Variants in TRABD2B observed in about 807,000 individuals in gnomAD.
TRABD2B encodes metalloprotease TIKI2.
A neutral mutation model predicts 40.1 loss-of-function variants in TRABD2B; 14 were observed. The ratio of observed to expected loss-of-function variants is 0.35; its 90% CI spans 0.23 to 0.55. The LOEUF is 0.55. Ranked by LOEUF, TRABD2B falls within the 20% of genes least tolerant of loss-of-function variation. TRABD2B has a pLI of 0.90. For synonymous variants in TRABD2B, 263 were observed against 277.0 expected, an observed-to-expected ratio of 0.95 and a Z score of 0.50; for missense variants, 541 against 648.6, an observed-to-expected ratio of 0.83 and a Z score of 1.80.
intron 2 of TRABD2B, among the ~76,000 whole-genome samples, chr1:47,981,490 A>AT (rs140972811): frequency 1.3e-5 from 2 of 152,192 alleles, no homozygotes; most frequent in Non-Finnish European, 2.9e-5. Flanking sequence ...TACTTGAGAG[A>AT]CTGCCATGAG....
At chr1:47,922,906 T>A (rs1251867178) in intron 2 of TRABD2B, among the ~76,000 whole-genome samples, 1 of 152,358 alleles carries the variant, frequency 6.6e-6, no homozygotes, top group East Asian at 1.9e-4. Flanking sequence ...GGGTCCCTAG[T>A]GCCCTTCAGC....
At chr1:47,929,760 C>T (rs1570309337) in intron 2 of TRABD2B, among the ~76,000 whole-genome samples, 1 of 152,152 alleles carries the variant, frequency 6.6e-6, no homozygotes, top group African/African-American at 2.4e-5. Flanking sequence ...AATGCTGTAA[C>T]GATGGGCAAT....
Position 47,761,346 on chromosome 1 carries a change from G to A in TRABD2B, c.*4556C>T, listed in dbSNP as rs1050783814. On this transcript the variant is annotated 3_prime_UTR_variant, in exon 7 of 7. Transcript: ENST00000606738. The stretch of plus-strand genomic sequence containing the variant: ...CCCTTTCCTCCCCTGGGGTCAGGGA[G>A]TGGGGCAGAGCGGGAAGGAGCTCTG... 2 of 152,398 alleles carry A rather than the reference G, an allele frequency of 1.3e-5. No homozygotes were observed. Among genetic ancestry groups the A allele is most frequent in the African/African-American group, 4.8e-5 (2 of 41,470 alleles). The allele number at this position is 152,398 out of a possible 1,614,324, so 9.4% of individuals were successfully genotyped here. A position where few individuals can be genotyped will look rare whatever the true frequency, so the allele number is the denominator to read the frequency against.
chr1:47,843,524 G>C (rs1030715662), intron 2 of TRABD2B, among the ~76,000 whole-genome samples: 2 of 152,198 alleles, frequency 1.3e-5, no homozygotes, highest in East Asian at 3.9e-4. Flanking sequence ...GCATTTTGAA[G>C]TGCCTGCTGA....
intron 2 of TRABD2B, among the ~76,000 whole-genome samples, chr1:47,807,576 G>T (rs1020587729): frequency 2.6e-5 from 4 of 152,158 alleles, no homozygotes; most frequent in African/African-American, 9.7e-5. Flanking sequence ...TGACAGAGAT[G>T]AGAACTGTAA....
chr1:47,895,771 A>G (rs1644509801), intron 2 of TRABD2B, among the ~76,000 whole-genome samples: 2 of 152,342 alleles, frequency 1.3e-5, no homozygotes, highest in Admixed American at 1.3e-4. Flanking sequence ...AAAGGGGCCC[A>G]TAGGGCAGAG....
intron 2 of TRABD2B, among the ~76,000 whole-genome samples, chr1:47,891,784 G>A (rs936099480): frequency 6.6e-6 from 1 of 151,672 alleles, no homozygotes; most frequent in Non-Finnish European, 1.5e-5. Context: ...TCTGGGCTAC[G>A]GAGCAAGACC....
At chr1:47,842,153 C>T (rs1250293502) in intron 2 of TRABD2B, among the ~76,000 whole-genome samples, 1 of 152,176 alleles carries the variant, frequency 6.6e-6, no homozygotes, top group Admixed American at 6.5e-5. Context: ...TAGAAAGTGC[C>T]GGGCACAATG....
At chr1:47,861,010 T>C (rs112220700) in intron 2 of TRABD2B, among the ~76,000 whole-genome samples, 14 of 152,208 alleles carry the variant, frequency 9.2e-5, no homozygotes, top group African/African-American at 1.4e-4. Flanking sequence ...CAGGGTCTCA[T>C]AGACCAATGG....
chr1:47,947,516 C>T (rs1397295973), intron 2 of TRABD2B, among the ~76,000 whole-genome samples: 2 of 152,026 alleles, frequency 1.3e-5, no homozygotes, highest in African/African-American at 4.8e-5. Flanking sequence ...AGGCTGAAGG[C>T]AAGGAAGAGA....
chr1:47,881,668 A>G (rs1644305938), intron 2 of TRABD2B, among the ~76,000 whole-genome samples: 1 of 152,142 alleles, frequency 6.6e-6, no homozygotes, highest in Admixed American at 6.5e-5. Flanking sequence ...TGGGTATGTG[A>G]CCAGGTGCTT....
intron 2 of TRABD2B, among the ~76,000 whole-genome samples, chr1:47,931,525 A>G (rs543850128): frequency 6.6e-6 from 1 of 152,196 alleles, no homozygotes; most frequent in South Asian, 2.1e-4. Flanking sequence ...ACTCAGTAAC[A>G]CTGGCCGTTC....
intron 2 of TRABD2B, among the ~76,000 whole-genome samples, chr1:47,901,505 GTCTGCCTCCAGTCC>G (rs1644599236): frequency 6.6e-6 from 1 of 152,114 alleles, no homozygotes; most frequent in Non-Finnish European, 1.5e-5. Flanking sequence ...TCCTGATTCT[GTCTGCCTCCAGTCC>G]TCTGCCTCCA....
chr1:47,914,197 C>T (rs1644799305), intron 2 of TRABD2B, among the ~76,000 whole-genome samples: 1 of 152,236 alleles, frequency 6.6e-6, no homozygotes, highest in Admixed American at 6.5e-5. Flanking sequence ...GAGCCCCAGT[C>T]CCAAAGATTA....
intron 2 of TRABD2B, among the ~76,000 whole-genome samples, chr1:47,839,521 A>G (rs1049475163): frequency 4.0e-4 from 61 of 152,196 alleles, no homozygotes; most frequent in African/African-American, 1.4e-3. Flanking sequence ...CACCCAGAGT[A>G]GTGGATCAAC....
At chr1:47,795,981 G>A (rs1390291702) in intron 3 of TRABD2B, among the ~76,000 whole-genome samples, 1 of 152,022 alleles carries the variant, frequency 6.6e-6, no homozygotes, top group Non-Finnish European at 1.5e-5. Flanking sequence ...CCTGGGTTCA[G>A]GGACAGAGCT....
chr1:47,881,712 G>A (rs894273204), intron 2 of TRABD2B, among the ~76,000 whole-genome samples: 1 of 152,194 alleles, frequency 6.6e-6, no homozygotes, highest in African/African-American at 2.4e-5. Context: ...CTGAAAGCAC[G>A]TGTGGCGGGC....
chr1:47,973,510 T>C (rs1260517513), intron 2 of TRABD2B, among the ~76,000 whole-genome samples: 1 of 152,206 alleles, frequency 6.6e-6, no homozygotes, highest in African/African-American at 2.4e-5. Flanking sequence ...ACAAGTACTG[T>C]GTGTATACTC....
intron 2 of TRABD2B, among the ~76,000 whole-genome samples, chr1:47,857,762 G>A (rs1005267480): frequency 7.9e-5 from 12 of 152,100 alleles, no homozygotes; most frequent in Admixed American, 3.3e-4. Context: ...CCTGGATGTA[G>A]CCACTGGCCC....
Sources: allele counts gnomAD v4.1 joint callset (sites outside exome capture counted in the v4.1 genomes callset), GRCh38; gene constraint gnomAD v4.1.1; transcripts MANE v1.5; gene names NCBI Gene and HGNC (gene_info 2026-07-23, HGNC 2026-07-21).